Variants in TGFBR3 observed in about 807,000 individuals in gnomAD.
TGFBR3 encodes transforming growth factor beta receptor type 3.
TGFBR3 carries 46 observed loss-of-function variants against 87.9 expected under a neutral mutation model. The ratio of observed to expected loss-of-function variants is 0.52; its 90% confidence interval spans 0.41 to 0.67. The LOEUF is 0.67. TGFBR3 is among the 30% of genes least tolerant of loss of function. The pLI is 0.00. For missense variants in TGFBR3, 866 were observed against 1,041.9 expected, an observed-to-expected ratio of 0.83 and a Z score of 2.32; for synonymous variants, 381 against 391.6, an observed-to-expected ratio of 0.97 and a Z score of 0.32.
Position 91,722,260 on chromosome 1 carries a change from T to G in TGFBR3, c.886-116A>C, listed in dbSNP as rs1308477667. On this transcript the variant is annotated intron_variant, in intron 7 of 16. Transcript: ENST00000212355. ...ATATTGTATATGAGGGAATTATTTA[T>G]TCTTTTGACCCCTGTTTTCCTTGGG... is the stretch of plus-strand genomic sequence containing the variant. 3.3e-6 allele frequency: 3 copies of G among 913,788 alleles called. No homozygotes were observed. The African/African-American group carries it at 5.0e-5, about 15-fold the overall frequency. The allele number at this position is 913,788 out of a possible 1,614,324, so 56.6% of individuals were successfully genotyped here.
chr1:91,839,911 T>C (rs886511753), intron 2 of TGFBR3, among the ~76,000 whole-genome samples: 1 of 152,198 alleles, frequency 6.6e-6, no homozygotes, highest in South Asian at 2.1e-4. Context: ...TTATGTAAGA[T>C]GTCCTCATAA....
intron 1 of TGFBR3, among the ~76,000 whole-genome samples, chr1:91,883,856 G>C (rs1401336650): frequency 6.6e-6 from 1 of 151,050 alleles, no homozygotes; most frequent in East Asian, 1.9e-4. Context: ...GCAAGAAATA[G>C]AGCAACATCC....
Position 91,681,374 on chromosome 1 carries a change from C to T in TGFBR3, c.*2365G>A, listed in dbSNP as rs1407978253. 7 of 424,102 alleles carry T rather than the reference C, an allele frequency of 1.7e-5. No individual in the cohort carries two copies. In the East Asian group the frequency reaches 5.0e-4, roughly 30 times the overall value. 26.3% of individuals were successfully genotyped at this position (424,102 alleles called of 1,614,324 possible). A position where few individuals can be genotyped will look rare whatever the true frequency, so the allele number is the denominator to read the frequency against. On this transcript the variant is annotated 3_prime_UTR_variant, in exon 17 of 17. Transcript: ENST00000212355. ...AATAATTCTGACAATGAGACCCAAACAAATAAAAGGTGATTTTTTTCCTCT... is the reference window on the plus strand; with the variant it reads ...AATAATTCTGACAATGAGACCCAAATAAATAAAAGGTGATTTTTTTCCTCT...
chr1:91,758,254 G>A (rs1312369076), intron 4 of TGFBR3, among the ~76,000 whole-genome samples: 1 of 151,998 alleles, frequency 6.6e-6, no homozygotes. Flanking sequence ...TCATTTTGTG[G>A]TCAGGGACCA....
intron 4 of TGFBR3, among the ~76,000 whole-genome samples, chr1:91,746,523 A>C (rs1003253486): frequency 6.6e-6 from 1 of 152,186 alleles, no homozygotes; most frequent in Non-Finnish European, 1.5e-5. Context: ...AAAAAAAATA[A>C]AATGTTGGTA....
intron 3 of TGFBR3, among the ~76,000 whole-genome samples, chr1:91,764,317 C>CAAAAAAAAAAAAAAAAAAAAAAA (rs200776741): frequency 3.9e-5 from 3 of 77,342 alleles, no homozygotes; most frequent in African/African-American, 1.2e-4. Flanking sequence ...ACAAAAGAGA[C>CAAAAAAAAAAAAAAAAAAAAAAA]AAAAAAAAAA....
At chr1:91,846,131 C>T (rs533068756) in intron 2 of TGFBR3, among the ~76,000 whole-genome samples, 1 of 152,176 alleles carries the variant, frequency 6.6e-6, no homozygotes, top group East Asian at 1.9e-4. Context: ...AAGCACTTCT[C>T]CAAAAAGAAA....
intron 1 of TGFBR3, among the ~76,000 whole-genome samples, chr1:91,881,774 T>G (rs930734701): frequency 1.3e-5 from 2 of 152,168 alleles, no homozygotes; most frequent in Non-Finnish European, 2.9e-5. Context: ...GCACAGTCGC[T>G]CACGCCTATA....
At chr1:91,777,412 T>A (rs1225511024) in intron 3 of TGFBR3, among the ~76,000 whole-genome samples, 1 of 152,148 alleles carries the variant, frequency 6.6e-6, no homozygotes, top group Non-Finnish European at 1.5e-5. Flanking sequence ...TCAACTCGGC[T>A]CTATTTTATT....
upstream of TGFBR3, among the ~76,000 whole-genome samples, chr1:91,890,409 C>CTTTTTTTTT (rs1175619952): frequency 2.4e-3 from 145 of 60,392 alleles, 30 homozygotes; most frequent in Middle Eastern, 0.028. Context: ...TCTCTATAAT[C>CTTTTTTTTT]TTTTTTTTTT....
intron 10 of TGFBR3, among the ~76,000 whole-genome samples, chr1:91,718,029 T>C (rs1672236780): frequency 6.6e-6 from 1 of 152,208 alleles, no homozygotes; most frequent in Non-Finnish European, 1.5e-5. Flanking sequence ...CGAAAATTCA[T>C]GCTGCAATTA....
intron 2 of TGFBR3, among the ~76,000 whole-genome samples, chr1:91,891,222 G>A (rs1334271103): frequency 6.6e-6 from 1 of 150,702 alleles, no homozygotes; most frequent in Middle Eastern, 3.2e-3. Context: ...TACTTCAAAG[G>A]CTAAGTACAG....
intron 3 of TGFBR3, among the ~76,000 whole-genome samples, chr1:91,772,840 A>T (rs1237524873): frequency 6.6e-6 from 1 of 152,222 alleles, no homozygotes; most frequent in Non-Finnish European, 1.5e-5. Context: ...CATTTCAGAC[A>T]ATTTTAGGTC....
At position 91,681,542 on chromosome 1, in the gene TGFBR3, T is replaced by C. The variant is rs1000427685; in HGVS notation, c.*2197A>G. The stretch of plus-strand genomic sequence containing the variant: ...TTACAGAAGGTTTTAACCCTGTCCT[T>C]CTAAGACATCAATCTTTTAATATCT... On this transcript the variant is annotated 3_prime_UTR_variant, in exon 17 of 17. Coordinates refer to ENST00000212355, the MANE Select transcript of TGFBR3 (RefSeq NM_003243.5). 7 of 372,914 alleles carry C rather than the reference T, an allele frequency of 1.9e-5. No homozygotes were observed. The highest frequency in any genetic ancestry group is 1.6e-4 in the Admixed American group (4 of 25,782). 23.1% of individuals were successfully genotyped at this position (372,914 alleles called of 1,614,324 possible). A position where few individuals can be genotyped will look rare whatever the true frequency, so the allele number is the denominator to read the frequency against.
At chr1:91,687,513 G>A (rs1220296566) in intron 16 of TGFBR3, among the ~76,000 whole-genome samples, 1 of 152,178 alleles carries the variant, frequency 6.6e-6, no homozygotes, top group Non-Finnish European at 1.5e-5. Context: ...AGGTCCTGGG[G>A]AAGAAACTAT....
chr1:91,792,979 T>C (rs890332528), intron 3 of TGFBR3, among the ~76,000 whole-genome samples: 16 of 152,170 alleles, frequency 1.1e-4, no homozygotes, highest in Non-Finnish European at 1.8e-4. Flanking sequence ...AAAAATACAA[T>C]AGGTCTACTC....
chr1:91,834,069 T>G (rs549398838), intron 2 of TGFBR3, among the ~76,000 whole-genome samples: 8 of 152,372 alleles, frequency 5.3e-5, no homozygotes, highest in Non-Finnish European at 1.2e-4. Context: ...CATTATATAC[T>G]GGAATTTTCA....
Position 91,722,157 on chromosome 1 carries a change from C to T in TGFBR3, c.886-13G>A, listed in dbSNP as rs201469559. On this transcript the variant is annotated splice_polypyrimidine_tract_variant and intron_variant, in intron 7 of 16. Transcript: ENST00000212355. The stretch of plus-strand genomic sequence containing the variant: ...TACTGTTAGGAGCCTGAAGATATAG[C>T]AAAAAAATCACTCATGAGTCTAAAA... 1 of 1,610,534 alleles carries T rather than the reference C, an allele frequency of 6.2e-7. No homozygotes were observed. The highest frequency in any genetic ancestry group is 2.2e-5 in the East Asian group (1 of 44,752).
chr1:91,716,821 C>T, intron 10 of TGFBR3, 113 bp from the exon 11 acceptor site: 1 of 1,321,650 alleles, frequency 7.6e-7, no homozygotes, highest in Middle Eastern at 1.8e-4. Flanking sequence ...GAAAATCTGA[C>T]TTTAAGACAA....
Sources: gnomAD v4.1 joint callset for allele counts (sites outside exome capture counted in the v4.1 genomes callset) on GRCh38, gnomAD v4.1.1 for gene constraint, MANE v1.5 for transcripts, NCBI Gene and HGNC (gene_info 2026-07-23, HGNC 2026-07-21) for gene names.